The following PPM1L variants were observed in gnomAD, a reference collection of about 807,000 sequenced individuals.
PPM1L encodes protein phosphatase, Mg2+/Mn2+ dependent 1L.
In PPM1L, 13 loss-of-function variants were observed where a neutral mutation model predicts 31.4. The ratio of observed to expected loss-of-function variants is 0.41; its 90% CI spans 0.27 to 0.66. PPM1L has a LOEUF of 0.66. Ranked by LOEUF, PPM1L falls within the 30% of genes least tolerant of loss-of-function variation. The pLI, the probability that PPM1L is intolerant of heterozygous loss-of-function variation, is 0.29. For synonymous variants in PPM1L, 184 were observed against 175.4 expected, an observed-to-expected ratio of 1.05 and a Z score of -0.39; for missense variants, 326 against 453.7, an observed-to-expected ratio of 0.72 and a Z score of 2.56.
At chr3:160,884,881 G>T (rs1712854821) in intron 1 of PPM1L, among the ~76,000 whole-genome samples, 2 of 152,198 alleles carry the variant, frequency 1.3e-5, no homozygotes, top group South Asian at 4.1e-4. Flanking sequence ...CCCATGGAGG[G>T]AGATTTAGTG....
intron 1 of PPM1L, among the ~76,000 whole-genome samples, chr3:160,771,696 G>A (rs928997453): frequency 8.6e-5 from 13 of 151,616 alleles, no homozygotes; most frequent in African/African-American, 3.1e-4. Flanking sequence ...AATTCATTCC[G>A]ATTATATTTT....
chr3:160,808,383 C>CTCTGTGTGTGTGTGTGTGTG (rs1204425630), intron 1 of PPM1L, among the ~76,000 whole-genome samples: 9 of 110,306 alleles, frequency 8.2e-5, no homozygotes, highest in African/African-American at 2.9e-4. Flanking sequence ...CAGGATTTTC[C>CTCTGTGTGTGTGTGTGTGTG]TGTGTGTGTG....
chr3:160,790,480 G>T (rs1337978081), intron 1 of PPM1L, among the ~76,000 whole-genome samples: 1 of 152,096 alleles, frequency 6.6e-6, no homozygotes, highest in African/African-American at 2.4e-5. Context: ...TGGCCTGGCA[G>T]AGAAGCAGCA....
At chr3:160,874,783 T>C (rs1712451076) in intron 1 of PPM1L, among the ~76,000 whole-genome samples, 1 of 152,182 alleles carries the variant, frequency 6.6e-6, no homozygotes, top group Non-Finnish European at 1.5e-5. Flanking sequence ...CCTTGGAAAC[T>C]GAGTCCAGGT....
At chr3:161,018,501 A>G (rs908815192) in intron 2 of PPM1L, among the ~76,000 whole-genome samples, 2 of 152,212 alleles carry the variant, frequency 1.3e-5, no homozygotes, top group Admixed American at 1.3e-4. Flanking sequence ...TTAAGATACT[A>G]TAAACTACAA....
rs185036217 is a variant in PPM1L at position 160,890,173 on chromosome 3, G to T, written c.400-71563G>T. On this transcript the variant is annotated intron_variant, in intron 1 of 3. Transcript: ENST00000498165. ...CTATCAGGCAAGAGAAAGAAGTAAA[G>T]GGTATTCACATAGGAAGACAGGAGG... 2.3e-3 allele frequency among the ~76,000 whole-genome samples: 347 copies of T among 152,268 alleles called. 2 individuals carry two copies. Among genetic ancestry groups the T allele is most frequent in the African/African-American group, 7.8e-3 (326 of 41,570 alleles).
At chr3:160,931,949 T>A (rs965591112) in intron 1 of PPM1L, among the ~76,000 whole-genome samples, 2 of 152,228 alleles carry the variant, frequency 1.3e-5, no homozygotes, top group Admixed American at 6.5e-5. Context: ...GAGACTTTTT[T>A]AATGCCAAAC....
intron 2 of PPM1L, among the ~76,000 whole-genome samples, chr3:160,994,494 G>A (rs1030574088): frequency 7.9e-5 from 12 of 152,182 alleles, no homozygotes; most frequent in Admixed American, 3.9e-4. Flanking sequence ...TGTTCCATGG[G>A]ACAGCCTGGG....
intron 2 of PPM1L, among the ~76,000 whole-genome samples, chr3:160,967,850 C>T (rs1716205074): frequency 6.6e-6 from 1 of 152,018 alleles, no homozygotes; most frequent in Admixed American, 6.6e-5. Context: ...TCCTAAAGCC[C>T]ATTTTCCTAT....
At chr3:161,024,013 A>G (rs1261667098) in intron 2 of PPM1L, among the ~76,000 whole-genome samples, 1 of 152,196 alleles carries the variant, frequency 6.6e-6, no homozygotes, top group African/African-American at 2.4e-5. Flanking sequence ...ATGGTGGCTC[A>G]TGCCTGTAAT....
At chr3:160,805,167 G>A (rs1017694048) in intron 1 of PPM1L, among the ~76,000 whole-genome samples, 11 of 152,274 alleles carry the variant, frequency 7.2e-5, no homozygotes, top group Middle Eastern at 3.4e-3. Context: ...TTCCACTGGC[G>A]TATGTAATTC....
chr3:160,890,134 A>C (rs1417723358), intron 1 of PPM1L, among the ~76,000 whole-genome samples: 1 of 152,220 alleles, frequency 6.6e-6, no homozygotes, highest in Admixed American at 6.5e-5. Flanking sequence ...TAGTATTGGA[A>C]GTTTTGGCCA....
rs75844556 is a variant in PPM1L at position 160,866,141 on chromosome 3, T to C, written c.400-95595T>C. Among the ~76,000 whole-genome samples, 264 of 152,316 alleles carry C rather than the reference T, an allele frequency of 1.7e-3. 7 individuals are homozygous for C. The East Asian group carries it at 0.035, about 20-fold the overall frequency. Reference sequence around the variant, plus strand: ...TGTTAGACATAGGGAGTTTTTCTCCTGTCAGTGCTCAGAAAGGTACTTGGC... The same window carrying C: ...TGTTAGACATAGGGAGTTTTTCTCCCGTCAGTGCTCAGAAAGGTACTTGGC... On this transcript the variant is annotated intron_variant, in intron 1 of 3. Coordinates refer to ENST00000498165, the MANE Select transcript of PPM1L (RefSeq NM_139245.4).
At position 160,961,723 on chromosome 3, in the gene PPM1L, G is replaced by C; in HGVS notation, c.400-13G>C. 2 of 1,569,398 alleles carry C rather than the reference G, an allele frequency of 1.3e-6. No homozygotes were observed. Among genetic ancestry groups the C allele is most frequent in the Middle Eastern group, 3.4e-4 (2 of 5,938 alleles). On this transcript the variant is annotated splice_polypyrimidine_tract_variant and intron_variant, in intron 1 of 3. Coordinates refer to ENST00000498165, the MANE Select transcript of PPM1L (RefSeq NM_139245.4). ...CTAATGGAGTTCTCTCTCTCTGACT[G>C]TTTTATCTGCAGACTGCAGCTGAAT...
chr3:160,815,590 T>C (rs1712969096), intron 1 of PPM1L, among the ~76,000 whole-genome samples: 1 of 152,176 alleles, frequency 6.6e-6, no homozygotes. Flanking sequence ...ATGATTAGCA[T>C]TTCAAGGAAG....
At chr3:160,990,300 C>A (rs1717091847) in intron 2 of PPM1L, among the ~76,000 whole-genome samples, 1 of 152,060 alleles carries the variant, frequency 6.6e-6, no homozygotes. Flanking sequence ...CCATGCCCAG[C>A]CAACAACTAT....
At chr3:160,791,730 G>T (rs1217379048) in intron 1 of PPM1L, among the ~76,000 whole-genome samples, 4 of 152,146 alleles carry the variant, frequency 2.6e-5, no homozygotes, top group Non-Finnish European at 4.4e-5. Context: ...GAGAAATAAT[G>T]AGTGTTAGGA....
intron 1 of PPM1L, among the ~76,000 whole-genome samples, chr3:160,879,819 T>A (rs187965098): frequency 2.1e-4 from 32 of 152,326 alleles, no homozygotes; most frequent in Admixed American, 3.3e-4. Context: ...CAGCTGGTGC[T>A]TATGCTGCTG....
intron 1 of PPM1L, among the ~76,000 whole-genome samples, chr3:160,786,205 ATATTTTTT>A (rs1560106761): frequency 1.6e-5 from 1 of 62,438 alleles, no homozygotes; most frequent in Non-Finnish European, 2.6e-5. Flanking sequence ...ATATATATAT[ATATTTTTT>A]TTTTTTTTTT....
Sources: gnomAD v4.1 joint callset for allele counts (sites outside exome capture counted in the v4.1 genomes callset) on GRCh38, gnomAD v4.1.1 for gene constraint, MANE v1.5 for transcripts, NCBI Gene and HGNC (gene_info 2026-07-23, HGNC 2026-07-21) for gene names.